SDK2: variants seen among roughly 807,000 people sequenced by gnomAD.
The protein encoded by SDK2 is sidekick cell adhesion molecule 2.
In SDK2, 105 loss-of-function variants were observed where a neutral mutation model predicts 253.9. The observed-to-expected ratio is 0.41, with a 90% CI of 0.35 to 0.49. The LOEUF is 0.49. SDK2 is among the 20% of genes least tolerant of loss of function. SDK2 has a pLI of 0.06. For synonymous variants in SDK2, 1,249 were observed against 1,234.9 expected (o/e 1.01, Z -0.24); for missense variants, 2,608 against 3,003.0 (o/e 0.87, Z 3.07).
rs949553769 is a variant in SDK2 at position 73,619,649 on chromosome 17, T to C, written c.64+24376A>G. On this transcript the variant is annotated intron_variant, in intron 1 of 44. Transcript: ENST00000392650. ...ACCATAAAACTCTTAGAAGAAAACA[T>C]GGGGTTAAATCTTAAAATCCTTGGA... Among the ~76,000 whole-genome samples the C allele has an allele frequency of 5.3e-5, 8 of 151,872 alleles. 1 individual carries two copies. Among genetic ancestry groups the C allele is most frequent in the Non-Finnish European group, 5.9e-5 (4 of 67,942 alleles).
intron 2 of SDK2, among the ~76,000 whole-genome samples, chr17:73,483,705 A>ATTT (rs1266533021): frequency 1.8e-5 from 1 of 56,682 alleles, no homozygotes; most frequent in Non-Finnish European, 3.0e-5. Flanking sequence ...ATATATATAT[A>ATTT]TATTTTTTTT....
intron 2 of SDK2, among the ~76,000 whole-genome samples, chr17:73,483,880 A>C (rs115581429): frequency 1.7e-3 from 255 of 151,374 alleles, no homozygotes; most frequent in African/African-American, 5.7e-3. Context: ...GAAAGGAATG[A>C]AAAACCACAG....
intron 40 of SDK2, among the ~76,000 whole-genome samples, chr17:73,355,174 A>ATATATATATATATTTTTTTTTTT: frequency 2.8e-4 from 13 of 47,224 alleles, no homozygotes; most frequent in Non-Finnish European, 3.4e-4. Flanking sequence ...ATATATATAT[A>ATATATATATATATTTTTTTTTTT]TTTTTTTTTT....
In SDK2 at chr17:73,352,334, GC is replaced by G. The variant is rs1283016238; in HGVS notation, c.5758+138del. On this transcript the variant is annotated intron_variant, in intron 41 of 44. Coordinates refer to ENST00000392650, the MANE Select transcript of SDK2 (RefSeq NM_001144952.2). The surrounding 1 kb of genome is among the most constrained non-coding windows in gnomAD (Gnocchi z 4.1). ...GGGCACCAGCACTTGCCTCTTCACA[GC>G]CCCGAGGGGACAATGTGTTTTTGTT... The G allele has an allele frequency of 3.1e-5, 34 of 1,102,044 alleles. 1 individual carries two copies. The Admixed American group carries it at 8.2e-4, about 26-fold the overall frequency. 68.3% of individuals were successfully genotyped at this position (1,102,044 alleles called of 1,614,324 possible).
chr17:73,438,325 G>A (rs1214430476), intron 6 of SDK2, among the ~76,000 whole-genome samples, 171 bp from the exon 7 acceptor site: 2 of 152,148 alleles, frequency 1.3e-5, no homozygotes, highest in African/African-American at 4.8e-5. Flanking sequence ...CAGGGCTCTG[G>A]GTCTCACTTT....
intron 2 of SDK2, among the ~76,000 whole-genome samples, chr17:73,490,220 C>A (rs989300981): frequency 5.9e-5 from 9 of 152,178 alleles, no homozygotes; most frequent in African/African-American, 2.2e-4. Context: ...CCCCTGGTAC[C>A]TGACACTTTG....
intron 2 of SDK2, among the ~76,000 whole-genome samples, chr17:73,498,055 A>G (rs1268499690): frequency 6.6e-6 from 1 of 152,116 alleles, no homozygotes; most frequent in Non-Finnish European, 1.5e-5. Flanking sequence ...GAAAGCACGC[A>G]TCAAAACTGG....
At chr17:73,517,329 T>C (rs2064037308) in intron 1 of SDK2, 1 of 152,086 alleles carries the variant, frequency 6.6e-6, no homozygotes, top group Non-Finnish European at 1.5e-5. Context: ...AAATCGAGTC[T>C]TTGGAGATGT....
rs974446755 is a variant in SDK2 at position 73,642,928 on chromosome 17, A to T, written c.64+1097T>A. ...GTGGGGAGTGGGTTGCAGCCCCCAC[A>T]GTCCGGACCCCTAGGGTGGGTCTGG... On this transcript the variant is annotated intron_variant, in intron 1 of 44. Transcript: ENST00000392650. This position sits in a 1 kb window ranked among gnomAD's most constrained non-coding sequence, Gnocchi z 4.7. 6.6e-6 allele frequency: 1 copy of T among 152,132 alleles called. No individual in the cohort carries two copies. The highest frequency in any genetic ancestry group is 1.5e-5 in the Non-Finnish European group (1 of 68,082). The allele number at this position is 152,132 out of a possible 1,614,324, so 9.4% of individuals were successfully genotyped here.
At chr17:73,601,582 G>A (rs545926638) in intron 1 of SDK2, among the ~76,000 whole-genome samples, 2 of 152,272 alleles carry the variant, frequency 1.3e-5, no homozygotes, top group South Asian at 4.2e-4. Flanking sequence ...GACAACGGAG[G>A]CAGAGACTGG....
At chr17:73,610,907 G>A (rs978896999) in intron 1 of SDK2, among the ~76,000 whole-genome samples, 2 of 152,148 alleles carry the variant, frequency 1.3e-5, no homozygotes, top group Non-Finnish European at 2.9e-5. Context: ...TGGAGACCAA[G>A]AGAACATGGG....
intron 1 of SDK2, among the ~76,000 whole-genome samples, chr17:73,590,989 G>A (rs903852523): frequency 6.6e-6 from 1 of 152,090 alleles, no homozygotes; most frequent in East Asian, 1.9e-4. Flanking sequence ...GCATGATCTC[G>A]GCTCACTGCA....
rs2063317889 is a variant in SDK2 at position 73,430,510 on chromosome 17, C to T, written c.1583+1G>A. On this transcript the variant is annotated splice_donor_variant, in intron 12 of 44. Coordinates refer to ENST00000392650, the MANE Select transcript of SDK2 (RefSeq NM_001144952.2). LOFTEE classifies it high-confidence loss of function. Reference sequence around the variant, plus strand: ...CCTGGAGTCAACAGCAGAGCCAGTACCTGATGGTTACTCGGGGGTCGTGGG... The same window carrying T: ...CCTGGAGTCAACAGCAGAGCCAGTATCTGATGGTTACTCGGGGGTCGTGGG... The T allele has an allele frequency of 1.2e-6, 2 of 1,602,652 alleles. No individual in the cohort carries two copies. The highest frequency in any genetic ancestry group is 1.7e-6 in the Non-Finnish European group (2 of 1,172,990).
At chr17:73,343,571 C>T (rs1234793625) in intron 44 of SDK2, among the ~76,000 whole-genome samples, 1 of 152,188 alleles carries the variant, frequency 6.6e-6, no homozygotes. Context: ...GCCAGGCAAT[C>T]AAGTGACTGC....
chr17:73,615,295 C>T (rs907063595), intron 1 of SDK2, among the ~76,000 whole-genome samples: 5 of 152,172 alleles, frequency 3.3e-5, no homozygotes, highest in East Asian at 1.9e-4. Context: ...TTGTCAGAGG[C>T]CCCTGAATTG....
chr17:73,425,815 G>A (rs2063277072), intron 12 of SDK2, among the ~76,000 whole-genome samples: 2 of 151,140 alleles, frequency 1.3e-5, no homozygotes, highest in African/African-American at 4.9e-5. Flanking sequence ...CCTTGGGTGA[G>A]TTTATTTAAC....
Position 73,563,316 on chromosome 17 carries a change from G to A in SDK2, c.65-55719C>T, listed in dbSNP as rs11651489. On this transcript the variant is annotated intron_variant, in intron 1 of 44. Coordinates refer to ENST00000392650, the MANE Select transcript of SDK2 (RefSeq NM_001144952.2). ...TGGCTGGGTGCAGTGACTTACACCTGTCATCCCAACACTTTGGGAGGCGGG... is the reference window on the plus strand; with the variant it reads ...TGGCTGGGTGCAGTGACTTACACCTATCATCCCAACACTTTGGGAGGCGGG... Among the ~76,000 whole-genome samples, 1,407 of 152,334 alleles carry A rather than the reference G, an allele frequency of 9.2e-3. 8 individuals are homozygous for A. The highest frequency in any genetic ancestry group is 0.012 in the Non-Finnish European group (812 of 68,024).
chr17:73,406,487 T>A (rs2063080403), intron 18 of SDK2, among the ~76,000 whole-genome samples: 1 of 152,090 alleles, frequency 6.6e-6, no homozygotes, highest in East Asian at 1.9e-4. Flanking sequence ...TGATCTCAAA[T>A]GATCTGCCCG....
At chr17:73,587,709 A>C (rs1393962482) in intron 1 of SDK2, among the ~76,000 whole-genome samples, 1 of 152,192 alleles carries the variant, frequency 6.6e-6, no homozygotes, top group Non-Finnish European at 1.5e-5. Context: ...GCGCTCTGGC[A>C]AACAGCCCTC....
Sources: gnomAD v4.1 joint callset for allele counts (sites outside exome capture counted in the v4.1 genomes callset) on GRCh38, gnomAD v4.1.1 for gene constraint, Gnocchi (gnomAD v3.1) non-coding constraint, MANE v1.5 for transcripts, NCBI Gene and HGNC (gene_info 2026-07-23, HGNC 2026-07-21) for gene names.